Variants in SUSD1 observed in about 807,000 individuals in gnomAD.
SUSD1 encodes sushi domain containing 1.
A neutral mutation model predicts 86.9 loss-of-function variants in SUSD1; 65 were observed. The ratio of observed to expected loss-of-function variants is 0.75; its 90% confidence interval spans 0.61 to 0.92. The LOEUF is 0.92. Among genes scored for constraint, SUSD1 ranks in the 40% least tolerant of loss-of-function variants. The pLI is 0.00. For missense variants in SUSD1, 850 were observed against 929.7 expected (o/e 0.91, Z 1.11); for synonymous variants, 346 against 350.0 (o/e 0.99, Z 0.13).
intron 5 of SUSD1, among the ~76,000 whole-genome samples, chr9:112,132,870 T>C (rs932181299): frequency 2.0e-5 from 3 of 152,216 alleles, no homozygotes; most frequent in Non-Finnish European, 4.4e-5. Context: ...ACTGTTGAGG[T>C]TGGCCCCTCA....
chr9:112,061,449 ACT>A (rs1377993587), intron 13 of SUSD1, among the ~76,000 whole-genome samples: 2 of 152,126 alleles, frequency 1.3e-5, no homozygotes, highest in Non-Finnish European at 2.9e-5. Flanking sequence ...CCCTCGAATG[ACT>A]CACAGTTCTC....
intron 8 of SUSD1, among the ~76,000 whole-genome samples, chr9:112,110,563 CT>C (rs913064649): frequency 1.2e-3 from 174 of 143,260 alleles, no homozygotes; most frequent in Admixed American, 1.2e-3. Context: ...AATTTTCTTT[CT>C]TTTTTTTTTT....
At chr9:112,099,594 G>A (rs1293625170) in intron 9 of SUSD1, among the ~76,000 whole-genome samples, 3 of 152,198 alleles carry the variant, frequency 2.0e-5, no homozygotes, top group South Asian at 2.1e-4. Flanking sequence ...CATCCTCTAC[G>A]CACTGCCAGC....
chr9:112,094,653 C>T (rs568089080), intron 10 of SUSD1, among the ~76,000 whole-genome samples: 2 of 151,850 alleles, frequency 1.3e-5, no homozygotes, highest in East Asian at 1.9e-4. Context: ...TAGGGAGAAA[C>T]GATAAGATTA....
chr9:112,058,785 C>T (rs41316530), intron 13 of SUSD1, 99 bp from the exon 14 acceptor site: 1 of 1,479,366 alleles, frequency 6.8e-7, no homozygotes, highest in Admixed American at 2.2e-5. Flanking sequence ...AAACCTCTTT[C>T]TTTGTTTTTT....
rs565492980 is a variant in SUSD1 at position 112,125,874 on chromosome 9, G to A, written c.707-1438C>T. 2.6e-5 allele frequency among the ~76,000 whole-genome samples: 4 copies of A among 152,288 alleles called. No homozygotes were observed. The South Asian group carries it at 8.3e-4, about 32-fold the overall frequency. On this transcript the variant is annotated intron_variant, in intron 5 of 16. Transcript: ENST00000374270. ...CATTATGGATGCTTGGGCTGTTGCAGGACTCCAGAGTTATTTCCAGGAGGG... is the reference window on the plus strand; with the variant it reads ...CATTATGGATGCTTGGGCTGTTGCAAGACTCCAGAGTTATTTCCAGGAGGG...
intron 1 of SUSD1, chr9:112,173,503 C>T (rs1213187999): frequency 4.9e-5 from 11 of 222,758 alleles, no homozygotes; most frequent in South Asian, 1.3e-4. Flanking sequence ...TCTGTCCTCA[C>T]GTTGGCAGAC....
At chr9:112,069,306 T>C (rs1018065351) in intron 12 of SUSD1, among the ~76,000 whole-genome samples, 2 of 152,288 alleles carry the variant, frequency 1.3e-5, no homozygotes, top group South Asian at 2.1e-4. Flanking sequence ...CATTGCCAGG[T>C]GTCCCAGGAG....
At chr9:112,056,461 G>A (rs779672293) in intron 14 of SUSD1, among the ~76,000 whole-genome samples, 1 of 152,122 alleles carries the variant, frequency 6.6e-6, no homozygotes, top group Non-Finnish European at 1.5e-5. Context: ...ATTTTATATT[G>A]TATATGTTTT....
intron 5 of SUSD1, among the ~76,000 whole-genome samples, chr9:112,139,214 A>C (rs1373051289): frequency 6.6e-6 from 1 of 152,198 alleles, no homozygotes; most frequent in African/African-American, 2.4e-5. Context: ...AAATTTTTAC[A>C]TTCTTTTTTT....
intron 15 of SUSD1, chr9:112,052,035 G>T: frequency 1.3e-6 from 1 of 763,430 alleles, no homozygotes; most frequent in Non-Finnish European, 1.8e-6. Flanking sequence ...AGTGAAATCG[G>T]TAAGCTGCGG....
At chr9:112,098,301 A>T (rs1830482765) in intron 10 of SUSD1, among the ~76,000 whole-genome samples, 169 bp downstream of exon 10, 1 of 152,130 alleles carries the variant, frequency 6.6e-6, no homozygotes, top group Non-Finnish European at 1.5e-5. Context: ...GAAGGGGATA[A>T]GTGGTAAGAT....
chr9:112,041,216 T>C lies in SUSD1; in HGVS notation c.*276A>G, dbSNP rs1827720693. 1 of 585,966 alleles carries C rather than the reference T, an allele frequency of 1.7e-6. No homozygotes were observed. The highest frequency in any genetic ancestry group is 3.0e-6 in the Non-Finnish European group (1 of 328,634). 36.3% of individuals were successfully genotyped at this position (585,966 alleles called of 1,614,324 possible). On this transcript the variant is annotated 3_prime_UTR_variant, in exon 17 of 17. Transcript: ENST00000374270. ...AGATCTGTATGTAGCCTTCGGTCAA[T>C]ATCACAGTGTACATCAGGAGTCTCA...
chr9:112,150,005 C>T (rs1322391759), intron 2 of SUSD1, among the ~76,000 whole-genome samples: 2 of 152,154 alleles, frequency 1.3e-5, no homozygotes, highest in East Asian at 1.9e-4. Context: ...GAAGCTTGCC[C>T]AGAGTGTTTT....
At chr9:112,049,287 T>C (rs1188352712) in intron 15 of SUSD1, among the ~76,000 whole-genome samples, 1 of 152,202 alleles carries the variant, frequency 6.6e-6, no homozygotes, top group African/African-American at 2.4e-5. Flanking sequence ...TGTTCCCCGA[T>C]TACAGCTTAT....
chr9:112,173,903 T>A (rs1300157830), intron 1 of SUSD1: 1 of 267,240 alleles, frequency 3.7e-6, no homozygotes, highest in Non-Finnish European at 7.4e-6. Flanking sequence ...GTGATCCGGG[T>A]TTCATGATGC....
At chr9:112,142,563 C>T in intron 4 of SUSD1, 64 bp from the exon 5 acceptor site, 2 of 1,506,702 alleles carry the variant, frequency 1.3e-6, no homozygotes, top group Non-Finnish European at 1.8e-6. Flanking sequence ...TTCACAATCT[C>T]TCTCCACCTC....
At chr9:112,078,146 A>G (rs1448111014) in intron 12 of SUSD1, among the ~76,000 whole-genome samples, 1 of 152,160 alleles carries the variant, frequency 6.6e-6, no homozygotes, top group East Asian at 1.9e-4. Context: ...GGAGTTCGAG[A>G]CCAGCCTAGG....
intron 2 of SUSD1, among the ~76,000 whole-genome samples, chr9:112,156,707 C>T (rs974240785): frequency 6.6e-5 from 10 of 152,118 alleles, no homozygotes; most frequent in Non-Finnish European, 1.2e-4. Context: ...CTCAGTACCT[C>T]GCTGTTATTT....
Sources: allele counts gnomAD v4.1 joint callset (sites outside exome capture counted in the v4.1 genomes callset), GRCh38; gene constraint gnomAD v4.1.1; transcripts MANE v1.5; gene names NCBI Gene and HGNC (gene_info 2026-07-23, HGNC 2026-07-21).